FRMD7: variants seen among roughly 807,000 people sequenced by gnomAD.
The protein encoded by FRMD7 is FERM domain-containing protein 7.
FRMD7 carries 14 observed loss-of-function variants against 44.1 expected under a neutral mutation model. The ratio of observed to expected loss-of-function variants is 0.32; its 90% CI spans 0.21 to 0.50. The LOEUF (loss-of-function observed/expected upper bound fraction) is 0.50. Among genes scored for constraint, FRMD7 ranks in the 20% least tolerant of loss-of-function variants. The probability of loss-of-function intolerance (pLI) is 0.99; values close to 1 mark genes in which losing one functional copy is unlikely to be tolerated. For synonymous variants in FRMD7, 212 were observed against 187.4 expected (o/e 1.13, Z -1.07); for missense variants, 501 against 522.3 (o/e 0.96, Z 0.40).
chrX:132,099,426 C>T, intron 3 of FRMD7, 42 bp downstream of exon 3: 1 of 1,098,669 alleles, frequency 9.1e-7, no homozygotes, highest in Non-Finnish European at 1.3e-6. Context: ...TTCTCAAGCT[C>T]TAACTGTGAA....
chrX:132,087,685 T>C (rs905238259), intron 5 of FRMD7, among the ~76,000 whole-genome samples: 1 of 111,333 alleles, frequency 9.0e-6, no homozygotes, highest in African/African-American at 3.3e-5. Context: ...AGTAGATACT[T>C]AGCAACATAT....
chrX:132,104,925 T>G (rs1928606621), intron 1 of FRMD7, among the ~76,000 whole-genome samples: 1 of 112,416 alleles, frequency 8.9e-6, no homozygotes, highest in Non-Finnish European at 1.9e-5. Context: ...AAAATTATTA[T>G]GAGCACTAAT....
intron 1 of FRMD7, among the ~76,000 whole-genome samples, chrX:132,106,503 C>T (rs1928649973): frequency 1.8e-5 from 2 of 111,686 alleles, no homozygotes; most frequent in African/African-American, 6.5e-5. Context: ...TACCATTGGA[C>T]CCAGCAATCC....
intron 6 of FRMD7, 76 bp downstream of exon 6, chrX:132,085,844 G>A (rs1045600401): frequency 9.8e-7 from 1 of 1,021,000 alleles, no homozygotes; most frequent in Non-Finnish European, 1.4e-6. Flanking sequence ...CAGGTTTAAG[G>A]GCTTGCTCTT....
intron 8 of FRMD7, among the ~76,000 whole-genome samples, chrX:132,083,038 A>G (rs1357922028): frequency 9.0e-6 from 1 of 111,331 alleles, no homozygotes; most frequent in Non-Finnish European, 1.9e-5. Flanking sequence ...ATAACCTCAA[A>G]CTCCTGGGCT....
In FRMD7 at chrX:132,082,444, T is replaced by G; in HGVS notation, c.824A>C (p.His275Pro). Residue 275 changes from histidine (H) to proline (P), a missense_variant, in exon 9 of 12, where the codon CAT becomes CCT. By Grantham distance (77) the His-to-Pro change is moderately conservative (BLOSUM62 -2). Around this residue, in one of 3 missense-constraint regions of FRMD7, gnomAD observed 453 missense variants for 452.7 expected, o/e 1.00. Coordinates refer to ENST00000298542, the MANE Select transcript of FRMD7 (RefSeq NM_194277.3). ...KAFWKTCVEY[H>P]AFFRLSEEPK... ...CTCTTCCGAAAGCCTGAAGAAAGCATGGTATTCCACACAAGTCTTCCAGAA... is the reference window on the plus strand; with the variant it reads ...CTCTTCCGAAAGCCTGAAGAAAGCAGGGTATTCCACACAAGTCTTCCAGAA... The G allele has an allele frequency of 8.3e-7, 1 of 1,209,447 alleles. No homozygotes were observed. The highest frequency in any genetic ancestry group is 1.1e-6 in the Non-Finnish European group (1 of 893,041).
intron 9 of FRMD7, among the ~76,000 whole-genome samples, chrX:132,081,413 C>T (rs1415364850): frequency 8.9e-6 from 1 of 112,783 alleles, no homozygotes; most frequent in Non-Finnish European, 1.9e-5. Flanking sequence ...GATGATTTAT[C>T]ACCTAAGTAC....
chrX:132,079,924 T>C (rs1167725827), intron 11 of FRMD7, 82 bp downstream of exon 11: 5 of 698,921 alleles, frequency 7.2e-6, no homozygotes, highest in Non-Finnish European at 1.2e-5. Context: ...ACTGGGATTC[T>C]GGCAGAATCA....
chrX:132,127,401 C>G (rs1929181841), intron 1 of FRMD7, among the ~76,000 whole-genome samples: 1 of 112,008 alleles, frequency 8.9e-6, no homozygotes, highest in African/African-American at 3.2e-5. Flanking sequence ...ATAGCTTCCC[C>G]CACTCCTTTC....
At chrX:132,111,592 G>T in intron 1 of FRMD7, among the ~76,000 whole-genome samples, 1 of 112,021 alleles carries the variant, frequency 8.9e-6, no homozygotes, top group Non-Finnish European at 1.9e-5. Flanking sequence ...CAGCATATTT[G>T]TGGGGACAAC....
intron 2 of FRMD7, among the ~76,000 whole-genome samples, chrX:132,100,051 C>T (rs1016610545): frequency 1.8e-5 from 2 of 112,108 alleles, no homozygotes; most frequent in African/African-American, 6.5e-5. Context: ...TCTGGAAAGG[C>T]AAAATTGATA....
chrX:132,102,485 G>A (rs1034292544), intron 1 of FRMD7, among the ~76,000 whole-genome samples: 1 of 111,991 alleles, frequency 8.9e-6, no homozygotes, highest in Admixed American at 9.4e-5. Context: ...TTGCCAGGGA[G>A]GGCCTGTTTA....
intron 1 of FRMD7, among the ~76,000 whole-genome samples, chrX:132,118,987 G>A (rs1928972119): frequency 9.0e-6 from 1 of 111,118 alleles, no homozygotes; most frequent in South Asian, 3.8e-4. Flanking sequence ...TTCAATCTAG[G>A]TTAGATGCCC....
chrX:132,091,564 G>A (rs543258950), intron 5 of FRMD7, among the ~76,000 whole-genome samples: 4 of 110,109 alleles, frequency 3.6e-5, no homozygotes, highest in African/African-American at 9.9e-5. Flanking sequence ...TGGCTTACGC[G>A]TGTAATCCCA....
chrX:132,084,392 A>C, intron 8 of FRMD7, 98 bp downstream of exon 8: 4 of 562,398 alleles, frequency 7.1e-6, no homozygotes, highest in Middle Eastern at 4.9e-4. Flanking sequence ...ACTCAGGGCC[A>C]GCCGGCTTTT....
At chrX:132,118,136 G>C (rs867802847) in intron 1 of FRMD7, among the ~76,000 whole-genome samples, 1 of 111,672 alleles carries the variant, frequency 9.0e-6, no homozygotes, top group African/African-American at 3.3e-5. Context: ...CAGAATTCCA[G>C]AGGCAGCAAA....
Position 132,086,727 on chromosome X carries a change from C to T in FRMD7, c.383-693G>A, listed in dbSNP as rs188765104. Among the ~76,000 whole-genome samples the T allele has an allele frequency of 2.8e-3, 315 of 111,174 alleles. 2 individuals carry two copies. The highest frequency in any genetic ancestry group is 8.7e-3 in the African/African-American group (266 of 30,583). The stretch of plus-strand genomic sequence containing the variant: ...GAAGCCTCCAGAATTGTGGAACATA[C>T]ATTTCTGGCATTTAAGCCATTCAGT... On this transcript the variant is annotated intron_variant, in intron 5 of 11. Coordinates refer to ENST00000298542, the MANE Select transcript of FRMD7 (RefSeq NM_194277.3).
chrX:132,110,646 C>T (rs1317199042), intron 1 of FRMD7, among the ~76,000 whole-genome samples: 1 of 111,969 alleles, frequency 8.9e-6, no homozygotes, highest in Non-Finnish European at 1.9e-5. Flanking sequence ...ACCCAAGCAG[C>T]TTGCCTCACT....
intron 1 of FRMD7, among the ~76,000 whole-genome samples, chrX:132,118,078 C>T (rs1928946217): frequency 9.0e-6 from 1 of 110,976 alleles, no homozygotes; most frequent in Non-Finnish European, 1.9e-5. Context: ...AGTGGTAGTT[C>T]TTGCTTGGTA....
Sources: gnomAD v4.1 joint callset for allele counts (sites outside exome capture counted in the v4.1 genomes callset) on GRCh38, gnomAD v4.1.1 for gene constraint, gnomAD v4.1.1 regional missense constraint, MANE v1.5 for transcripts, NCBI Gene and HGNC (gene_info 2026-07-23, HGNC 2026-07-21) for gene names.